The following RNF13 variants were observed in gnomAD, a reference collection of about 807,000 sequenced individuals.
RNF13 encodes ring finger protein 13, also known as E3 ubiquitin-protein ligase RNF13.
RNF13 carries 19 observed loss-of-function variants against 37.7 expected under a neutral mutation model. The ratio of observed to expected loss-of-function variants is 0.50; its 90% CI spans 0.35 to 0.74. The LOEUF is 0.74. Among genes scored for constraint, RNF13 ranks in the 30% least tolerant of loss-of-function variants. The pLI is 0.01. For synonymous variants in RNF13, 144 were observed against 157.8 expected (o/e 0.91, Z 0.65); for missense variants, 375 against 453.0 (o/e 0.83, Z 1.56).
At chr3:149,916,703 AC>A (rs1315507459) in intron 7 of RNF13, among the ~76,000 whole-genome samples, 1 of 152,184 alleles carries the variant, frequency 6.6e-6, no homozygotes, top group African/African-American at 2.4e-5. Flanking sequence ...AAACAAACAA[AC>A]AAAAATACCC....
chr3:149,862,489 A>T (rs904140982), intron 3 of RNF13, among the ~76,000 whole-genome samples: 2 of 151,988 alleles, frequency 1.3e-5, no homozygotes, highest in Non-Finnish European at 1.5e-5. Flanking sequence ...ACATATATAT[A>T]TTTTTTCTAC....
intron 7 of RNF13, among the ~76,000 whole-genome samples, chr3:149,912,838 A>G (rs1021014837): frequency 2.0e-5 from 3 of 152,170 alleles, no homozygotes; most frequent in African/African-American, 7.2e-5. Flanking sequence ...ATGTAATAAT[A>G]TTAAGGTAGT....
chr3:149,846,621 A>T lies in RNF13; in HGVS notation c.114+481A>T, dbSNP rs183987867. The stretch of plus-strand genomic sequence containing the variant: ...ACGCCCAGCCCCTTATTCATTTTCT[A>T]TTGCTTCATATCTAATGTAAGATCT... On this transcript the variant is annotated intron_variant, in intron 2 of 9. Transcript: ENST00000392894. Among the ~76,000 whole-genome samples, 339 of 152,138 alleles carry T rather than the reference A, an allele frequency of 2.2e-3. 2 individuals carry two copies. Among genetic ancestry groups the T allele is most frequent in the African/African-American group, 7.4e-3 (306 of 41,502 alleles).
At chr3:149,925,509 C>A (rs1277749055) in intron 8 of RNF13, among the ~76,000 whole-genome samples, 4 of 152,018 alleles carry the variant, frequency 2.6e-5, no homozygotes, top group African/African-American at 9.7e-5. Context: ...ATTTTTCTTA[C>A]CTCTGATTAA....
intron 1 of RNF13, among the ~76,000 whole-genome samples, chr3:149,823,163 G>A (rs1003272980): frequency 2.0e-5 from 3 of 152,020 alleles, no homozygotes; most frequent in Non-Finnish European, 2.9e-5. Context: ...AAAAATAAGA[G>A]GAAATATTTA....
intron 4 of RNF13, among the ~76,000 whole-genome samples, chr3:149,890,688 C>CT (rs1284618587): frequency 2.0e-5 from 3 of 152,298 alleles, no homozygotes; most frequent in African/African-American, 7.2e-5. Context: ...TAACACTCTT[C>CT]TTTAAGTCAA....
At chr3:149,911,516 G>A (rs998059091) in intron 6 of RNF13, among the ~76,000 whole-genome samples, 2 of 152,042 alleles carry the variant, frequency 1.3e-5, no homozygotes, top group Non-Finnish European at 2.9e-5. Context: ...AAAATTAGCA[G>A]GGTATGGTGG....
chr3:149,906,573 G>A (rs1274921560), intron 6 of RNF13, among the ~76,000 whole-genome samples: 1 of 150,622 alleles, frequency 6.6e-6, no homozygotes, highest in South Asian at 2.1e-4. Context: ...ATTAATTTAG[G>A]AAGAATTGAC....
rs146933554 is a variant in RNF13, at chr3:149,856,973, C to G, written c.195+4377C>G. On this transcript the variant is annotated intron_variant, in intron 3 of 9. Transcript: ENST00000392894. ...CCGTGTTAGCTAGAATGGTCTCAAT[C>G]TTCTGACTTCATGATCCACCCACCT... Among the ~76,000 whole-genome samples, 38 of 152,304 alleles carry G rather than the reference C, an allele frequency of 2.5e-4. 1 individual carries two copies. The East Asian group carries it at 7.3e-3, about 29-fold the overall frequency.
chr3:149,936,197 G>A (rs1719656672), intron 8 of RNF13, among the ~76,000 whole-genome samples: 1 of 151,388 alleles, frequency 6.6e-6, no homozygotes, highest in Non-Finnish European at 1.5e-5. Context: ...TTTGATTATT[G>A]TATGCCTTGG....
chr3:149,869,531 G>A lies in RNF13; in HGVS notation c.196-2498G>A, dbSNP rs1051683868. Among the ~76,000 whole-genome samples the A allele has an allele frequency of 3.3e-5, 5 of 151,342 alleles. 1 individual carries two copies. The highest frequency in any genetic ancestry group is 6.6e-5 in the Admixed American group (1 of 15,252). Reference sequence around the variant, plus strand: ...TGAGGCAGGAGAATGGCATGAACCCGGGAGGCGGAGCTTGCAGTGAGCCGA... The same window carrying A: ...TGAGGCAGGAGAATGGCATGAACCCAGGAGGCGGAGCTTGCAGTGAGCCGA... On this transcript the variant is annotated intron_variant, in intron 3 of 9. Coordinates refer to ENST00000392894, the MANE Select transcript of RNF13 (RefSeq NM_183381.3).
intron 8 of RNF13, among the ~76,000 whole-genome samples, chr3:149,929,412 AT>A (rs1426159552): frequency 6.6e-6 from 1 of 152,100 alleles, no homozygotes; most frequent in African/African-American, 2.4e-5. Context: ...ACACGTGGGG[AT>A]TATGTGTATT....
At chr3:149,825,446 G>A (rs1253779817) in intron 1 of RNF13, among the ~76,000 whole-genome samples, 1 of 152,146 alleles carries the variant, frequency 6.6e-6, no homozygotes, top group Non-Finnish European at 1.5e-5. Context: ...TTACAGGTAT[G>A]AGCCACCATG....
At chr3:149,944,652 GTTGT>G (rs1331768582) in intron 8 of RNF13, among the ~76,000 whole-genome samples, 7 of 152,246 alleles carry the variant, frequency 4.6e-5, no homozygotes, top group East Asian at 1.9e-4. Context: ...TTTTGATGGG[GTTGT>G]TTGTTTTTTT....
intron 1 of RNF13, among the ~76,000 whole-genome samples, chr3:149,842,951 T>G (rs1034355202): frequency 1.1e-4 from 16 of 152,194 alleles, no homozygotes; most frequent in African/African-American, 3.9e-4. Flanking sequence ...AAAAATACAA[T>G]TAGTAAAACA....
At chr3:149,884,680 T>G (rs1713810858) in intron 4 of RNF13, among the ~76,000 whole-genome samples, 3 of 152,164 alleles carry the variant, frequency 2.0e-5, no homozygotes, top group Admixed American at 1.3e-4. Flanking sequence ...GATACAAACA[T>G]GTAATGTATA....
chr3:149,885,142 A>T (rs1029927832), intron 4 of RNF13, among the ~76,000 whole-genome samples: 5 of 152,118 alleles, frequency 3.3e-5, no homozygotes, highest in African/African-American at 1.2e-4. Flanking sequence ...ATGGACACTT[A>T]GGTTGTTTCC....
chr3:149,917,357 A>C (rs1419931274), intron 7 of RNF13: 1 of 152,208 alleles, frequency 6.6e-6, no homozygotes, highest in Non-Finnish European at 1.5e-5. Context: ...TCTATTGCTC[A>C]ATAAAAAATT....
intron 8 of RNF13, among the ~76,000 whole-genome samples, chr3:149,938,143 A>G (rs1301917333): frequency 1.3e-5 from 2 of 151,464 alleles, no homozygotes; most frequent in African/African-American, 4.8e-5. Context: ...ATATTGTTAT[A>G]TATATAGTTA....
Sources: allele counts gnomAD v4.1 joint callset (sites outside exome capture counted in the v4.1 genomes callset), GRCh38; gene constraint gnomAD v4.1.1; transcripts MANE v1.5; gene names NCBI Gene and HGNC (gene_info 2026-07-23, HGNC 2026-07-21).